XKR4: variants seen among roughly 807,000 people sequenced by gnomAD.
XKR4 encodes XK-related protein 4.
XKR4 carries 12 observed loss-of-function variants against 53.9 expected under a neutral mutation model. The observed-to-expected ratio is 0.22, with a 90% CI of 0.14 to 0.36. The LOEUF is 0.36. Among genes scored for constraint, XKR4 ranks in the 10% least tolerant of loss-of-function variants. The pLI is 1.00. For missense variants in XKR4, 799 were observed against 859.5 expected, an observed-to-expected ratio of 0.93 and a Z score of 0.88; for synonymous variants, 354 against 362.4, an observed-to-expected ratio of 0.98 and a Z score of 0.26.
At chr8:55,400,049 A>G (rs567308266) in intron 2 of XKR4, among the ~76,000 whole-genome samples, 12 of 152,260 alleles carry the variant, frequency 7.9e-5, no homozygotes, top group African/African-American at 2.9e-4. Flanking sequence ...ATGCATCCAT[A>G]CCTTTGTCTT....
At chr8:55,192,921 G>T (rs1201296576) in intron 1 of XKR4, among the ~76,000 whole-genome samples, 1 of 152,114 alleles carries the variant, frequency 6.6e-6, no homozygotes, top group African/African-American at 2.4e-5. Flanking sequence ...ACTGAGTGAG[G>T]CTGTGTGGAT....
intron 1 of XKR4, among the ~76,000 whole-genome samples, chr8:55,140,740 C>G (rs962596353): frequency 6.6e-6 from 1 of 152,130 alleles, no homozygotes; most frequent in Non-Finnish European, 1.5e-5. Context: ...GCTGTGGATT[C>G]GTGGGCCCAT....
At chr8:55,163,011 G>A (rs1434572221) in intron 1 of XKR4, among the ~76,000 whole-genome samples, 2 of 151,996 alleles carry the variant, frequency 1.3e-5, no homozygotes, top group Non-Finnish European at 2.9e-5. Context: ...TTTTATTAAT[G>A]TCACCATGCA....
intron 1 of XKR4, among the ~76,000 whole-genome samples, chr8:55,287,324 A>T (rs941423176): frequency 1.3e-5 from 2 of 152,238 alleles, no homozygotes; most frequent in African/African-American, 4.8e-5. Context: ...CTCATATGGG[A>T]GCTATTACAC....
chr8:55,504,094 T>A (rs1737922810), intron 2 of XKR4, among the ~76,000 whole-genome samples: 2 of 152,226 alleles, frequency 1.3e-5, no homozygotes, highest in Admixed American at 1.3e-4. Context: ...AATATGCTAC[T>A]GAATGCAGTT....
At chr8:55,497,617 A>G (rs569365449) in intron 2 of XKR4, among the ~76,000 whole-genome samples, 1 of 152,218 alleles carries the variant, frequency 6.6e-6, no homozygotes. Context: ...ATCATCCTTG[A>G]GTCTTCTTGT....
rs899419938 is a variant in XKR4 at position 55,528,368 on chromosome 8, C to T, written c.*4141C>T. ...ATTGAGCAAAGAGAACCTCTTCTGT[C>T]CTTACCAGGATTGTGTAAGGTTACA... On this transcript the variant is annotated 3_prime_UTR_variant, in exon 3 of 3. Coordinates refer to ENST00000327381, the MANE Select transcript of XKR4 (RefSeq NM_052898.2). 6.6e-6 allele frequency: 1 copy of T among 152,220 alleles called. No individual in the cohort carries two copies. 9.4% of individuals were successfully genotyped at this position (152,220 alleles called of 1,614,324 possible).
intron 2 of XKR4, among the ~76,000 whole-genome samples, chr8:55,427,538 G>T (rs942843988): frequency 6.6e-6 from 1 of 152,046 alleles, no homozygotes; most frequent in African/African-American, 2.4e-5. Context: ...TTAAAATTTT[G>T]GTTACTGGCA....
chr8:55,484,578 A>C (rs990873581), intron 2 of XKR4, among the ~76,000 whole-genome samples: 1 of 152,216 alleles, frequency 6.6e-6, no homozygotes, highest in African/African-American at 2.4e-5. Flanking sequence ...ATTACATGAC[A>C]TGATGTTTAA....
intron 2 of XKR4, chr8:55,449,425 C>A (rs1006202633): frequency 1.2e-5 from 8 of 690,050 alleles, no homozygotes; most frequent in Non-Finnish European, 2.1e-5. Context: ...CGGGCCGGGG[C>A]TGTAAACATG....
chr8:55,180,036 T>A (rs1454906804), intron 1 of XKR4, among the ~76,000 whole-genome samples: 3 of 152,354 alleles, frequency 2.0e-5, no homozygotes, highest in Admixed American at 6.5e-5. Flanking sequence ...ACAATGTTAT[T>A]ATAATTATAT....
chr8:55,495,968 C>T (rs1257832326), intron 2 of XKR4, among the ~76,000 whole-genome samples: 1 of 152,186 alleles, frequency 6.6e-6, no homozygotes, highest in Non-Finnish European at 1.5e-5. Context: ...AGAAAAATTG[C>T]CTCAAGCATA....
At chr8:55,373,169 C>T (rs1428100619) in intron 2 of XKR4, among the ~76,000 whole-genome samples, 1 of 152,070 alleles carries the variant, frequency 6.6e-6, no homozygotes, top group African/African-American at 2.4e-5. Flanking sequence ...ACTACAAAAA[C>T]TTTTGGGGTT....
At chr8:55,377,381 A>G (rs1248873214) in intron 2 of XKR4, among the ~76,000 whole-genome samples, 1 of 152,208 alleles carries the variant, frequency 6.6e-6, no homozygotes, top group African/African-American at 2.4e-5. Flanking sequence ...GGTACCCAAG[A>G]AGTATCTTTT....
At chr8:55,456,331 T>C (rs919007813) in intron 2 of XKR4, among the ~76,000 whole-genome samples, 1 of 152,078 alleles carries the variant, frequency 6.6e-6, no homozygotes, top group Non-Finnish European at 1.5e-5. Context: ...CTGGAGAGGC[T>C]GAGGCAGGAG....
intron 2 of XKR4, among the ~76,000 whole-genome samples, chr8:55,477,116 G>A (rs1044808180): frequency 6.9e-5 from 10 of 144,968 alleles, no homozygotes; most frequent in African/African-American, 2.6e-4. Context: ...CCCTGACCCC[G>A]AGCAGCCTAA....
At chr8:55,136,007 C>A (rs1054882724) in intron 1 of XKR4, among the ~76,000 whole-genome samples, 1 of 152,042 alleles carries the variant, frequency 6.6e-6, no homozygotes, top group African/African-American at 2.4e-5. Context: ...GATGCTCCCA[C>A]CTCAGTCTCC....
intron 1 of XKR4, among the ~76,000 whole-genome samples, chr8:55,284,364 G>T (rs980372244): frequency 8.5e-5 from 13 of 152,224 alleles, no homozygotes; most frequent in Middle Eastern, 3.4e-3. Flanking sequence ...GAGCAACTTA[G>T]TTGGGTGATT....
intron 1 of XKR4, among the ~76,000 whole-genome samples, chr8:55,177,672 A>C (rs1472902719): frequency 6.6e-6 from 1 of 152,218 alleles, no homozygotes; most frequent in Non-Finnish European, 1.5e-5. Context: ...GGCAGCCTTC[A>C]CTAACACCAA....
Sources: allele counts gnomAD v4.1 joint callset (sites outside exome capture counted in the v4.1 genomes callset), GRCh38; gene constraint gnomAD v4.1.1; transcripts MANE v1.5; gene names NCBI Gene and HGNC (gene_info 2026-07-23, HGNC 2026-07-21).